SLC38A12: variants seen among roughly 807,000 people sequenced by gnomAD.
SLC38A12 encodes the protein solute carrier family 38 member 12.
the SLC38A12 span, chr17:74,837,056 A>G: frequency 8.6e-6 from 9 of 1,041,192 alleles, no homozygotes; most frequent in Non-Finnish European, 1.0e-5. Flanking sequence ...TGGCACTGCC[A>G]TCATTTGTCC....
chr17:74,825,404 C>T, the SLC38A12 span, among the ~76,000 whole-genome samples: 2 of 152,348 alleles, frequency 1.3e-5, no homozygotes, highest in African/African-American at 4.8e-5. Context: ...TGCAAATGCA[C>T]AGAGGCCCAT....
chr17:74,790,687 C>G, the SLC38A12 span, among the ~76,000 whole-genome samples: 78 of 151,872 alleles, frequency 5.1e-4, no homozygotes, highest in African/African-American at 1.8e-3. Flanking sequence ...ATGCCCCTGC[C>G]TTGCTGTCTC....
chr17:74,785,659 A>G, the SLC38A12 span: 42 of 1,581,804 alleles, frequency 2.7e-5, no homozygotes, highest in Non-Finnish European at 3.4e-5. Flanking sequence ...GGAGGGAGTC[A>G]GCCCAGGAAG....
chr17:74,790,955 G>A, the SLC38A12 span: 1 of 1,614,050 alleles, frequency 6.2e-7, no homozygotes, highest in Non-Finnish European at 8.5e-7. Context: ...TGGCTCTGCA[G>A]AGAGACGTGG....
the SLC38A12 span, chr17:74,839,131 G>T: frequency 2.0e-6 from 3 of 1,528,372 alleles, no homozygotes. Context: ...GCAGCTCCTG[G>T]CTGTTCCTCA....
At chr17:74,788,892 C>T in the SLC38A12 span, 14 of 1,604,660 alleles carry the variant, frequency 8.7e-6, no homozygotes, top group African/African-American at 2.7e-5. Context: ...GCCCTCGTCT[C>T]CGGGCCATGC....
At chr17:74,812,523 CA>C in the SLC38A12 span, among the ~76,000 whole-genome samples, 2 of 152,148 alleles carry the variant, frequency 1.3e-5, no homozygotes, top group African/African-American at 4.8e-5. Context: ...GCTGAGTTGC[CA>C]TTAACCCCAA....
chr17:74,793,226 T>C, the SLC38A12 span, among the ~76,000 whole-genome samples: 1 of 152,176 alleles, frequency 6.6e-6, no homozygotes, highest in African/African-American at 2.4e-5. Flanking sequence ...GAATTCCTCC[T>C]TGTGGGCCTG....
At chr17:74,838,884 CA>C in the SLC38A12 span, 1 of 1,534,878 alleles carries the variant, frequency 6.5e-7, no homozygotes, top group Non-Finnish European at 8.7e-7. Context: ...TTCCATTTTG[CA>C]GATGGGCCCC....
the SLC38A12 span, among the ~76,000 whole-genome samples, chr17:74,779,305 G>GT: frequency 1.3e-5 from 2 of 152,172 alleles, no homozygotes; most frequent in African/African-American, 4.8e-5. Flanking sequence ...CGCTCTGCCC[G>GT]TTTTTGTTCT....
chr17:74,791,384 G>GC, the SLC38A12 span, among the ~76,000 whole-genome samples: 491 of 137,268 alleles, frequency 3.6e-3, 13 homozygotes, highest in African/African-American at 0.015. Context: ...AGCTACTCCA[G>GC]TGAGGTTCAG....
At chr17:74,821,842 G>T in the SLC38A12 span, among the ~76,000 whole-genome samples, 1 of 152,148 alleles carries the variant, frequency 6.6e-6, no homozygotes, top group Non-Finnish European at 1.5e-5. Context: ...CACTTGACCC[G>T]CCCCTCAGCA....
chr17:74,777,093 A>G, the SLC38A12 span, among the ~76,000 whole-genome samples: 1 of 152,260 alleles, frequency 6.6e-6, no homozygotes, highest in East Asian at 1.9e-4. Flanking sequence ...GAAACCGTCC[A>G]GATTTCTGTC....
At chr17:74,778,885 C>T in the SLC38A12 span, among the ~76,000 whole-genome samples, 1 of 152,070 alleles carries the variant, frequency 6.6e-6, no homozygotes, top group South Asian at 2.1e-4. Context: ...TCATGCTGGT[C>T]TTGAACTCCT....
At chr17:74,837,919 CTGGCCTGGAGCTACCTCTCTGGGGT>C in the SLC38A12 span, 1 of 985,650 alleles carries the variant, frequency 1.0e-6, no homozygotes, top group Non-Finnish European at 1.2e-6. Flanking sequence ...CCCAGAGCCC[CTGGCCTGGAGCTACCTCTCTGGGGT>C]GGGTCTCAGG....
At chr17:74,837,384 C>G in the SLC38A12 span, 1 of 985,438 alleles carries the variant, frequency 1.0e-6, no homozygotes, top group Non-Finnish European at 1.2e-6. Flanking sequence ...TACAGGGACA[C>G]AGCCGCCTGC....
chr17:74,834,412 C>T, the SLC38A12 span, among the ~76,000 whole-genome samples: 51 of 152,234 alleles, frequency 3.4e-4, no homozygotes, highest in African/African-American at 1.1e-3. Context: ...TTTCTCAGGC[C>T]GGTTTCCACG....
chr17:74,814,790 C>T, the SLC38A12 span, among the ~76,000 whole-genome samples: 1 of 152,130 alleles, frequency 6.6e-6, no homozygotes, highest in Non-Finnish European at 1.5e-5. Context: ...TGAGAGCCTT[C>T]CTAGGTGCTG....
the SLC38A12 span, chr17:74,790,926 T>C: frequency 1.2e-6 from 2 of 1,610,452 alleles, no homozygotes; most frequent in Non-Finnish European, 1.7e-6. Context: ...GAAGAACCAC[T>C]TCCTCTTCCT....
Sources: gnomAD v4.1 joint callset for allele counts (sites outside exome capture counted in the v4.1 genomes callset) on GRCh38, gnomAD v4.1.1 for gene constraint, MANE v1.5 for transcripts, NCBI Gene and HGNC (gene_info 2026-07-23, HGNC 2026-07-21) for gene names.